The following SUPT3H variants were observed in gnomAD, a reference collection of about 807,000 sequenced individuals.
The protein encoded by SUPT3H is transcription initiation protein SPT3 homolog.
Under a neutral mutation model 44.3 loss-of-function variants are expected in SUPT3H, and 44 were observed. That is an observed-to-expected ratio of 0.99 (90% confidence interval 0.78 to 1.28). The LOEUF (loss-of-function observed/expected upper bound fraction) is 1.28. SUPT3H is among the 50% of genes most tolerant of loss of function. The pLI is 0.00. For missense variants in SUPT3H, 380 were observed against 387.1 expected, an observed-to-expected ratio of 0.98 and a Z score of 0.15; for synonymous variants, 124 against 125.6, an observed-to-expected ratio of 0.99 and a Z score of 0.09.
intron 2 of SUPT3H, among the ~76,000 whole-genome samples, chr6:45,153,558 T>C (rs1178347704): frequency 2.0e-5 from 3 of 152,142 alleles, no homozygotes; most frequent in Admixed American, 6.6e-5. Flanking sequence ...TGCATATTTG[T>C]GTTAACAAAG....
intron 2 of SUPT3H, among the ~76,000 whole-genome samples, chr6:45,138,478 T>TA (rs376834146): frequency 2.0e-5 from 3 of 150,904 alleles, no homozygotes; most frequent in Middle Eastern, 3.4e-3. Context: ...GTGAATGCGA[T>TA]AAAAAAAATA....
chr6:44,970,000 G>C (rs1777339418), intron 6 of SUPT3H, among the ~76,000 whole-genome samples: 1 of 152,110 alleles, frequency 6.6e-6, no homozygotes, highest in South Asian at 2.1e-4. Flanking sequence ...CAGTGATTGA[G>C]AAACACACAA....
intron 2 of SUPT3H, among the ~76,000 whole-genome samples, chr6:45,162,184 G>T (rs939530399): frequency 2.0e-5 from 3 of 151,924 alleles, no homozygotes; most frequent in Non-Finnish European, 4.4e-5. Context: ...GATTAATTCA[G>T]TGTTATATGA....
chr6:45,221,099 T>C (rs367731069), intron 2 of SUPT3H, among the ~76,000 whole-genome samples: 121 of 152,302 alleles, frequency 7.9e-4, no homozygotes, highest in African/African-American at 2.9e-3. Flanking sequence ...TGGAAACTAT[T>C]ATTCTGAGCA....
At chr6:45,096,555 A>C (rs1344729185) in intron 3 of SUPT3H, among the ~76,000 whole-genome samples, 1 of 152,154 alleles carries the variant, frequency 6.6e-6, no homozygotes, top group Non-Finnish European at 1.5e-5. Flanking sequence ...GATAAGAATT[A>C]TGCATTAGAT....
intron 2 of SUPT3H, among the ~76,000 whole-genome samples, chr6:45,352,342 TC>T (rs759427561): frequency 1.3e-5 from 2 of 152,174 alleles, no homozygotes; most frequent in Non-Finnish European, 2.9e-5. Context: ...GTAGTTTTTT[TC>T]AGAAAAGAAA....
At chr6:44,834,389 T>C (rs143948452) in intron 10 of SUPT3H, among the ~76,000 whole-genome samples, 44 of 152,216 alleles carry the variant, frequency 2.9e-4, no homozygotes, top group African/African-American at 1.1e-3. Context: ...ATCTCTCACT[T>C]TAGGTTATCT....
At chr6:45,031,446 C>T (rs1052163361) in intron 3 of SUPT3H, among the ~76,000 whole-genome samples, 24 of 152,116 alleles carry the variant, frequency 1.6e-4, no homozygotes, top group Non-Finnish European at 3.4e-4. Context: ...TTCATCCAAA[C>T]TTCAAGGGAA....
At chr6:44,971,967 G>T (rs1409982913) in intron 6 of SUPT3H, among the ~76,000 whole-genome samples, 1 of 151,854 alleles carries the variant, frequency 6.6e-6, no homozygotes, top group East Asian at 1.9e-4. Context: ...GTAGAGACGG[G>T]GTTTCACCAT....
chr6:45,236,472 G>A (rs891226869), intron 2 of SUPT3H, among the ~76,000 whole-genome samples: 3 of 152,098 alleles, frequency 2.0e-5, no homozygotes, highest in South Asian at 2.1e-4. Flanking sequence ...CAAAGTAACA[G>A]AGCAGGTTTG....
intron 3 of SUPT3H, among the ~76,000 whole-genome samples, chr6:45,072,876 C>T (rs1794568752): frequency 6.6e-6 from 1 of 151,926 alleles, no homozygotes; most frequent in Admixed American, 6.6e-5. Flanking sequence ...CTTACCAGAA[C>T]TCAGGAAATA....
chr6:44,909,514 A>G (rs532116215), intron 10 of SUPT3H, among the ~76,000 whole-genome samples: 1 of 152,354 alleles, frequency 6.6e-6, no homozygotes, highest in African/African-American at 2.4e-5. Flanking sequence ...ATCCTATAAA[A>G]TGCTCAGATT....
At chr6:44,945,717 T>C (rs2153469581) in intron 9 of SUPT3H, among the ~76,000 whole-genome samples, 1 of 152,280 alleles carries the variant, frequency 6.6e-6, no homozygotes, top group South Asian at 2.1e-4. Context: ...GACTGGTTCA[T>C]AAGATTTAGG....
chr6:44,829,881 A>G, intron 10 of SUPT3H, 24 bp from the exon 11 acceptor site: 1 of 1,612,232 alleles, frequency 6.2e-7, no homozygotes, highest in Non-Finnish European at 8.5e-7. Context: ...AGAAATCTGC[A>G]ATGAATTATC....
At chr6:45,110,569 TAAA>T (rs58655964) in intron 2 of SUPT3H, among the ~76,000 whole-genome samples, 3,085 of 149,730 alleles carry the variant, frequency 0.021, 58 homozygotes, top group South Asian at 0.084. Flanking sequence ...CAGCTTTTTT[TAAA>T]AAAAAAAAAG....
Position 44,932,636 on chromosome 6 carries a change from ACT to A in SUPT3H, c.912+15_912+16del. 1.3e-6 allele frequency: 2 copies of A among 1,545,958 alleles called. No homozygotes were observed. Among genetic ancestry groups the A allele is most frequent in the African/African-American group, 1.4e-5 (1 of 72,284 alleles). On this transcript the variant is annotated intron_variant, in intron 10 of 10. Transcript: ENST00000371459. ...CATATTATAAATATAACTTTTTATA[ACT>A]CTGTTATTACGTACTGTGAATGGGG...
chr6:45,239,992 C>T (rs1479063893), intron 2 of SUPT3H, among the ~76,000 whole-genome samples: 1 of 152,148 alleles, frequency 6.6e-6, no homozygotes, highest in Non-Finnish European at 1.5e-5. Flanking sequence ...AAACCAGCTG[C>T]AAAGACAGAA....
intron 3 of SUPT3H, among the ~76,000 whole-genome samples, chr6:45,030,913 T>C (rs1030825834): frequency 1.1e-4 from 17 of 152,180 alleles, no homozygotes; most frequent in African/African-American, 3.9e-4. Flanking sequence ...TCGGTTAAAA[T>C]GTGGCCTCCT....
chr6:45,312,469 C>T lies in SUPT3H; in HGVS notation c.101+52732G>A, dbSNP rs184281691. ...AGCGGAGCTTGCAGTGAGCCGAGAT[C>T]GTGCCACTGCACTCCAGCCTGGACG... On this transcript the variant is annotated intron_variant, in intron 2 of 10. Transcript: ENST00000371459. 7.3e-3 allele frequency among the ~76,000 whole-genome samples: 1,080 copies of T among 147,020 alleles called. 19 individuals are homozygous for T. Among genetic ancestry groups the T allele is most frequent in the African/African-American group, 0.026 (1,020 of 39,468 alleles).
Sources: allele counts gnomAD v4.1 joint callset (sites outside exome capture counted in the v4.1 genomes callset), GRCh38; gene constraint gnomAD v4.1.1; transcripts MANE v1.5; gene names NCBI Gene and HGNC (gene_info 2026-07-23, HGNC 2026-07-21).